The following ANGPTL4 variants were observed in gnomAD, a reference collection of about 807,000 sequenced individuals.
The protein encoded by ANGPTL4 is angiopoietin like 4.
Under a neutral mutation model 39.2 loss-of-function variants are expected in ANGPTL4, and 39 were observed. The observed-to-expected ratio is 1.00, with a 90% CI of 0.77 to 1.30. The LOEUF (loss-of-function observed/expected upper bound fraction) is 1.30, where lower values mean the gene tolerates loss of function less well. Ranked by LOEUF, ANGPTL4 falls within the 50% of genes most tolerant of loss-of-function variation. ANGPTL4 has a pLI of 0.00. For synonymous variants in ANGPTL4, 233 were observed against 229.5 expected, an observed-to-expected ratio of 1.02 and a Z score of -0.14; for missense variants, 545 against 549.8, an observed-to-expected ratio of 0.99 and a Z score of 0.09.
chr19:8,371,239 A>C lies in ANGPTL4; in HGVS notation c.758-2A>C. ...CTCATGGAGTGGCCTCTCCCACTCC[A>C]GGCGAGTTCTGGCTGGGTCTGGAGA... On this transcript the variant is annotated splice_acceptor_variant, in intron 5 of 6. Coordinates refer to ENST00000301455, the MANE Select transcript of ANGPTL4 (RefSeq NM_139314.3). LOFTEE classifies it high-confidence loss of function. This position sits in a 1 kb window ranked among gnomAD's most constrained non-coding sequence, Gnocchi z 5.1. The C allele has an allele frequency of 6.2e-7, 1 of 1,614,078 alleles. No homozygotes were observed. The highest frequency in any genetic ancestry group is 8.5e-7 in the Non-Finnish European group (1 of 1,180,022).
At chr19:8,369,169 C>G (rs377342328) in intron 3 of ANGPTL4, 50 bp from the exon 4 acceptor site, 25 of 1,507,226 alleles carry the variant, frequency 1.7e-5, no homozygotes, top group Non-Finnish European at 2.2e-5. Context: ...CCTGAGACCC[C>G]CCCCAGGGGC....
intron 4 of ANGPTL4, 129 bp from the exon 5 acceptor site, chr19:8,370,927 C>T (rs1971102662): frequency 9.8e-7 from 1 of 1,023,912 alleles, no homozygotes; most frequent in South Asian, 1.4e-5. Flanking sequence ...TCCTCGAGTC[C>T]TCCAGGGATG....
At position 8,371,044 on chromosome 19, in the gene ANGPTL4, C is replaced by A. The variant is rs1294921731; in HGVS notation, c.662-12C>A. The A allele has an allele frequency of 1.9e-6, 3 of 1,578,192 alleles. 1 individual carries two copies. Among genetic ancestry groups the A allele is most frequent in the East Asian group, 2.3e-5 (1 of 43,160 alleles). On this transcript the variant is annotated splice_polypyrimidine_tract_variant and intron_variant, in intron 4 of 6. Coordinates refer to ENST00000301455, the MANE Select transcript of ANGPTL4 (RefSeq NM_139314.3). The surrounding 1 kb of genome is among the most constrained non-coding windows in gnomAD (Gnocchi z 5.1). ...GAGGGACTTCCTGGTGACCTTGTAC[C>A]TTTCTGGGCAGATGGAGGCTGGACA...
At chr19:8,373,627 A>G in intron 6 of ANGPTL4, 78 bp from the exon 7 acceptor site, 2 of 1,604,860 alleles carry the variant, frequency 1.2e-6, no homozygotes, top group South Asian at 1.1e-5. Flanking sequence ...CCTCATCCTC[A>G]ACCCTATCCC....
intron 3 of ANGPTL4, among the ~76,000 whole-genome samples, chr19:8,367,767 G>A (rs908492365): frequency 6.6e-6 from 1 of 152,200 alleles, no homozygotes; most frequent in Non-Finnish European, 1.5e-5. Flanking sequence ...CTCCTGCTCA[G>A]CACAGTTCTT....
chr19:8,367,307 A>G (rs1971026341), intron 3 of ANGPTL4, among the ~76,000 whole-genome samples: 1 of 151,942 alleles, frequency 6.6e-6, no homozygotes, highest in Non-Finnish European at 1.5e-5. Flanking sequence ...GTGACGGGGG[A>G]AGGCACAAGT....
chr19:8,370,591 TTGTGGGGCTGAAGCACAAGA>T (rs1224339199), intron 4 of ANGPTL4, among the ~76,000 whole-genome samples: 1 of 151,456 alleles, frequency 6.6e-6, no homozygotes, highest in Non-Finnish European at 1.5e-5. Context: ...TTCCAGCTGC[TTGTGGGGCTGAAGCACAAGA>T]ATCGCTTGAG....
intron 3 of ANGPTL4, among the ~76,000 whole-genome samples, chr19:8,368,239 C>CT (rs1207978926): frequency 6.6e-6 from 1 of 152,080 alleles, no homozygotes; most frequent in East Asian, 1.9e-4. Context: ...AGGCTGGTCT[C>CT]AAACTCCTGA....
intron 3 of ANGPTL4, 137 bp downstream of exon 3, chr19:8,366,456 G>A: frequency 2.0e-6 from 2 of 996,198 alleles, no homozygotes; most frequent in South Asian, 1.4e-5. Flanking sequence ...CCAGTCTCTG[G>A]GTCAAAGCTG....
Position 8,364,175 on chromosome 19 carries a change from C to T in ANGPTL4, c.-147C>T, listed in dbSNP as rs918105445. The T allele has an allele frequency of 7.0e-6, 6 of 856,444 alleles. No individual in the cohort carries two copies. In the South Asian group the frequency reaches 7.2e-5, roughly 10 times the overall value. The allele number at this position is 856,444 out of a possible 1,614,324, so 53.1% of individuals were successfully genotyped here. A position where few individuals can be genotyped will look rare whatever the true frequency, so the allele number is the denominator to read the frequency against. ...CGGGGAGAAGCCGAGCTGAGCGGAT[C>T]CTCACACGACTGTGATCCGATTCTT... On this transcript the variant is annotated 5_prime_UTR_variant, in exon 1 of 7. Coordinates refer to ENST00000301455, the MANE Select transcript of ANGPTL4 (RefSeq NM_139314.3).
chr19:8,371,150 C>T lies in ANGPTL4; in HGVS notation c.756C>T (p.His252=), dbSNP rs368548994. The T allele has an allele frequency of 6.1e-5, 98 of 1,613,780 alleles. No individual in the cohort carries two copies. The highest frequency in any genetic ancestry group is 1.3e-4 in the Admixed American group (8 of 59,946). The change falls in exon 5 of 7, where the codon CAC becomes CAT. Residue 252 remains histidine, a splice_region_variant and synonymous_variant. Transcript: ENST00000301455. This position sits in a 1 kb window ranked among gnomAD's most constrained non-coding sequence, Gnocchi z 5.1. The part of the protein sequence containing the change: ...EAYKAGFGDP[H]GEFWLGLEKV... ...ACAAGGCGGGGTTTGGGGATCCCCA[C>T]GGTAGGTGTTTCTAGTGGGGACAGA...
chr19:8,373,705 G>T lies in ANGPTL4; in HGVS notation c.1040G>T (p.Gly347Val). 1 of 1,613,892 alleles carries T rather than the reference G, an allele frequency of 6.2e-7. No individual in the cohort carries two copies. Among genetic ancestry groups the T allele is most frequent in the South Asian group, 1.1e-5 (1 of 91,080 alleles). The change falls in exon 7 of 7, where the codon GGA becomes GTA. Residue 347 changes from glycine to valine, a missense_variant and splice_region_variant. Coordinates refer to ENST00000301455, the MANE Select transcript of ANGPTL4 (RefSeq NM_139314.3). ...RDKNCAKSLS[G>V]GWWFGTCSHS... ...GTTCCCTCTCCCCTGACCCCGGCAG[G>T]AGGCTGGTGGTTTGGCACCTGCAGC... is the stretch of plus-strand genomic sequence containing the variant.
chr19:8,368,644 G>C (rs1380117910), intron 3 of ANGPTL4, among the ~76,000 whole-genome samples: 1 of 152,146 alleles, frequency 6.6e-6, no homozygotes, highest in Non-Finnish European at 1.5e-5. Context: ...GGATCACGAG[G>C]TCAGGAGATC....
chr19:8,367,009 G>A (rs891021090), intron 3 of ANGPTL4, among the ~76,000 whole-genome samples: 7 of 151,720 alleles, frequency 4.6e-5, no homozygotes, highest in Non-Finnish European at 8.8e-5. Flanking sequence ...CAGACTCGCG[G>A]TTCTCTAAGT....
At position 8,371,453 on chromosome 19, in the gene ANGPTL4, G is replaced by T; in HGVS notation, c.970G>T (p.Val324Leu). 6.2e-7 allele frequency: 1 copy of T among 1,613,320 alleles called. No individual in the cohort carries two copies. Among genetic ancestry groups the T allele is most frequent in the Non-Finnish European group, 8.5e-7 (1 of 1,180,010 alleles). The change falls in exon 6 of 7, where the codon GTA becomes TTA. Residue 324 changes from valine (V) to leucine (L), a missense_variant. Coordinates refer to ENST00000301455, the MANE Select transcript of ANGPTL4 (RefSeq NM_139314.3). This position sits in a 1 kb window ranked among gnomAD's most constrained non-coding sequence, Gnocchi z 5.1. ...ATTVPPSGLS[V>L]PFSTWDQDHD... The stretch of plus-strand genomic sequence containing the variant: ...CACCGTCCCACCCAGCGGCCTCTCC[G>T]TACCCTTCTCCACTTGGGACCAGGA...
Position 8,369,266 on chromosome 19 carries a change from A to G in ANGPTL4, c.595A>G (p.Ser199Gly), listed in dbSNP as rs767518522. 6.2e-7 allele frequency: 1 copy of G among 1,612,326 alleles called. No individual in the cohort carries two copies. Among genetic ancestry groups the G allele is most frequent in the South Asian group, 1.1e-5 (1 of 90,544 alleles). ...QELFQVGERQ[S>G]GLFEIQPQGS... Reference sequence around the variant, plus strand: ...GCTGTTCCAGGTTGGGGAGAGGCAGAGTGGACTATTTGAAATCCAGCCTCA... The same window carrying G: ...GCTGTTCCAGGTTGGGGAGAGGCAGGGTGGACTATTTGAAATCCAGCCTCA... The change falls in exon 4 of 7, where the codon AGT (serine) becomes GGT (glycine). Residue 199 changes from serine to glycine, a missense_variant. Transcript: ENST00000301455.
At chr19:8,372,510 A>AAG (rs1971143841) in intron 6 of ANGPTL4, among the ~76,000 whole-genome samples, 1 of 151,102 alleles carries the variant, frequency 6.6e-6, no homozygotes, top group Non-Finnish European at 1.5e-5. Flanking sequence ...TCTCAAAAAA[A>AAG]AAAAAAAATT....
At chr19:8,369,857 G>A (rs531459224) in intron 4 of ANGPTL4, among the ~76,000 whole-genome samples, 2 of 151,998 alleles carry the variant, frequency 1.3e-5, no homozygotes, top group South Asian at 2.1e-4. Flanking sequence ...CCAGAAGTTC[G>A]AGACCAGCCT....
At position 8,368,302 on chromosome 19, in the gene ANGPTL4, C is replaced by T. The variant is rs572220137; in HGVS notation, c.548-917C>T. ...GATTACAGGCATGAACCACTGCGCC[C>T]GGCCCATTCCTCAAGTCTTTATTGA... On this transcript the variant is annotated intron_variant, in intron 3 of 6. Transcript: ENST00000301455. Among the ~76,000 whole-genome samples the T allele has an allele frequency of 5.3e-5, 8 of 152,220 alleles. No individual in the cohort carries two copies. In the South Asian group the frequency reaches 1.2e-3, roughly 24 times the overall value.
Sources: allele counts gnomAD v4.1 joint callset (sites outside exome capture counted in the v4.1 genomes callset), GRCh38; gene constraint gnomAD v4.1.1; non-coding constraint Gnocchi (gnomAD v3.1); transcripts MANE v1.5; gene names NCBI Gene and HGNC (gene_info 2026-07-23, HGNC 2026-07-21).